MAD1L1: variants seen among roughly 807,000 people sequenced by gnomAD.
MAD1L1 encodes the protein mitotic arrest deficient 1 like 1, also known as mitotic spindle assembly checkpoint protein MAD1.
A neutral mutation model predicts 96.9 loss-of-function variants in MAD1L1; 95 were observed. The observed-to-expected ratio is 0.98, with a 90% CI of 0.83 to 1.16. The LOEUF (loss-of-function observed/expected upper bound fraction) is 1.16. MAD1L1 is among the 50% of genes most tolerant of loss of function. MAD1L1 has a pLI of 0.00. For synonymous variants in MAD1L1, 473 were observed against 396.6 expected, an observed-to-expected ratio of 1.19 and a Z score of -2.29; for missense variants, 1,007 against 954.4, an observed-to-expected ratio of 1.06 and a Z score of -0.73.
intron 11 of MAD1L1, among the ~76,000 whole-genome samples, chr7:2,087,304 G>T (rs544627169): frequency 1.3e-5 from 2 of 152,176 alleles, no homozygotes; most frequent in Non-Finnish European, 2.9e-5. Context: ...CTTCGGGAGG[G>T]TGAGGCGGAC....
intron 10 of MAD1L1, among the ~76,000 whole-genome samples, chr7:2,195,586 G>A (rs529988549): frequency 6.3e-4 from 96 of 152,324 alleles, no homozygotes; most frequent in African/African-American, 2.0e-3. Context: ...TGGGAGGACT[G>A]TTTGATTCCA....
chr7:2,101,977 G>T (rs932622003), intron 11 of MAD1L1, among the ~76,000 whole-genome samples: 11 of 152,154 alleles, frequency 7.2e-5, no homozygotes, highest in African/African-American at 2.7e-4. Flanking sequence ...TCTGCCATGG[G>T]TGGGAGTGGG....
At chr7:2,014,356 G>A (rs1028921373) in intron 13 of MAD1L1, 146 bp downstream of exon 13, 17 of 1,043,466 alleles carry the variant, frequency 1.6e-5, no homozygotes, top group East Asian at 1.6e-4. Flanking sequence ...GAAGCAGCCC[G>A]TGGACACCCT....
chr7:2,190,392 A>C (rs1791661120), intron 10 of MAD1L1, among the ~76,000 whole-genome samples: 1 of 152,270 alleles, frequency 6.6e-6, no homozygotes, highest in Admixed American at 6.5e-5. Context: ...GTAAAGTTAA[A>C]GCTAGAAAGT....
intron 16 of MAD1L1, among the ~76,000 whole-genome samples, chr7:1,952,625 G>A (rs1215190909): frequency 2.0e-5 from 3 of 152,194 alleles, no homozygotes; most frequent in Non-Finnish European, 4.4e-5. Flanking sequence ...GGGCTGGGCT[G>A]GTGAGCATGG....
intron 16 of MAD1L1, among the ~76,000 whole-genome samples, chr7:1,950,253 C>A (rs7801421): frequency 6.6e-6 from 1 of 152,056 alleles, no homozygotes; most frequent in Non-Finnish European, 1.5e-5. Flanking sequence ...TGTCACCCAG[C>A]GGCGAGAATG....
chr7:1,977,566 C>A (rs1780704539), intron 15 of MAD1L1, among the ~76,000 whole-genome samples: 1 of 152,264 alleles, frequency 6.6e-6, no homozygotes, highest in Admixed American at 6.5e-5. Context: ...GGGGCTCCCA[C>A]AGTGCAGTGG....
chr7:2,086,034 A>T (rs1240046694), intron 11 of MAD1L1, among the ~76,000 whole-genome samples: 1 of 151,652 alleles, frequency 6.6e-6, no homozygotes, highest in Admixed American at 6.6e-5. Flanking sequence ...AGCTCCACCT[A>T]CCCCCAGGAA....
At chr7:2,023,724 G>A (rs776803487) in intron 12 of MAD1L1, among the ~76,000 whole-genome samples, 6 of 152,162 alleles carry the variant, frequency 3.9e-5, no homozygotes, top group Non-Finnish European at 8.8e-5. Context: ...CAAGGTGGGT[G>A]GATCACCTGA....
intron 17 of MAD1L1, among the ~76,000 whole-genome samples, chr7:1,934,267 G>A (rs1235643367): frequency 1.3e-5 from 2 of 152,066 alleles, no homozygotes; most frequent in African/African-American, 2.4e-5. Context: ...ACGCCTCTTC[G>A]CACCCCCCAC....
intron 18 of MAD1L1, among the ~76,000 whole-genome samples, chr7:1,841,595 C>A (rs1380072038): frequency 6.6e-6 from 1 of 152,260 alleles, no homozygotes; most frequent in Non-Finnish European, 1.5e-5. Flanking sequence ...CAGAGCCTCC[C>A]AGGTGAGTGG....
intron 11 of MAD1L1, among the ~76,000 whole-genome samples, chr7:2,116,575 G>T (rs867752055): frequency 2.6e-4 from 39 of 151,356 alleles, no homozygotes; most frequent in African/African-American, 7.0e-4. Context: ...GTTGGGGGGG[G>T]GGGGGGCTCC....
At chr7:2,053,470 A>G (rs989751983) in intron 12 of MAD1L1, among the ~76,000 whole-genome samples, 4 of 152,220 alleles carry the variant, frequency 2.6e-5, no homozygotes, top group Non-Finnish European at 5.9e-5. Flanking sequence ...CAAGGGAGAA[A>G]AGGGCCTGCC....
intron 12 of MAD1L1, among the ~76,000 whole-genome samples, chr7:2,067,225 G>A (rs1360637429): frequency 2.7e-5 from 4 of 148,900 alleles, no homozygotes; most frequent in African/African-American, 5.0e-5. Context: ...GGCCATGTTC[G>A]CAGGCACCCG....
rs574374977 is a variant in MAD1L1, at chr7:1,940,926, C to T, written c.1597-4029G>A. On this transcript the variant is annotated intron_variant, in intron 16 of 18. Transcript: ENST00000265854. ...CTCCTCTGACCCAGAGCAGTGAGACCCTCCTCCCCCAGGCCTCACCCTCCT... is the reference window on the plus strand; with the variant it reads ...CTCCTCTGACCCAGAGCAGTGAGACTCTCCTCCCCCAGGCCTCACCCTCCT... Among the ~76,000 whole-genome samples, 56 of 149,796 alleles carry T rather than the reference C, an allele frequency of 3.7e-4. 1 individual carries two copies. Among genetic ancestry groups the T allele is most frequent in the African/African-American group, 1.4e-3 (55 of 39,490 alleles).
In MAD1L1 at chr7:2,149,181, CA is replaced by C. The variant is rs1306234370; in HGVS notation, c.1043del (p.Leu348Ter). The C allele has an allele frequency of 6.2e-7, 1 of 1,614,132 alleles. No individual in the cohort carries two copies. Among genetic ancestry groups the C allele is most frequent in the Non-Finnish European group, 8.5e-7 (1 of 1,180,018 alleles). ...TGGTGACGGCGCTGTTCTTGTCCTTCAAGGCAAGCTCCCTCTGCTGCAGCTC... is the reference window on the plus strand; with the variant it reads ...TGGTGACGGCGCTGTTCTTGTCCTTCAGGCAAGCTCCCTCTGCTGCAGCTC... ...VVELQQRELA[L>X]KDKNSAVTSS... On this transcript the variant is annotated frameshift_variant, in exon 11 of 19. Coordinates refer to ENST00000265854, the MANE Select transcript of MAD1L1 (RefSeq NM_001013836.2). LOFTEE classifies it high-confidence loss of function.
chr7:2,026,425 T>C (rs1049383618), intron 12 of MAD1L1, among the ~76,000 whole-genome samples: 2 of 152,146 alleles, frequency 1.3e-5, no homozygotes, highest in East Asian at 3.8e-4. Context: ...TAAAGAAATG[T>C]GAAGAATAAG....
At chr7:2,019,739 G>A (rs772888580) in intron 12 of MAD1L1, among the ~76,000 whole-genome samples, 6 of 148,402 alleles carry the variant, frequency 4.0e-5, no homozygotes, top group African/African-American at 7.5e-5. Context: ...GCAAGGCCAC[G>A]CCTCGCCACG....
chr7:2,131,951 T>C (rs1788528279), intron 11 of MAD1L1, among the ~76,000 whole-genome samples: 1 of 152,158 alleles, frequency 6.6e-6, no homozygotes, highest in South Asian at 2.1e-4. Context: ...CTCAGGTGCC[T>C]CTAATGGAAA....
Sources: allele counts gnomAD v4.1 joint callset (sites outside exome capture counted in the v4.1 genomes callset), GRCh38; gene constraint gnomAD v4.1.1; transcripts MANE v1.5; gene names NCBI Gene and HGNC (gene_info 2026-07-23, HGNC 2026-07-21).